MLPH: variants seen among roughly 807,000 people sequenced by gnomAD.
The protein encoded by MLPH is exophilin-3.
Under a neutral mutation model 72.1 loss-of-function variants are expected in MLPH, and 51 were observed. That is an observed-to-expected ratio of 0.71 (90% confidence interval 0.56 to 0.89). The LOEUF (loss-of-function observed/expected upper bound fraction) is 0.89. Ranked by LOEUF, MLPH falls within the 40% of genes least tolerant of loss-of-function variation. The pLI, the probability that MLPH is intolerant of heterozygous loss-of-function variation, is 0.00. For synonymous variants in MLPH, 301 were observed against 310.1 expected, an observed-to-expected ratio of 0.97 and a Z score of 0.31; for missense variants, 743 against 759.9, an observed-to-expected ratio of 0.98 and a Z score of 0.26.
chr2:237,542,362 C>T (rs1266783117), intron 11 of MLPH, among the ~76,000 whole-genome samples: 2 of 151,640 alleles, frequency 1.3e-5, no homozygotes, highest in African/African-American at 4.8e-5. Flanking sequence ...ATAAGGAACA[C>T]CCCCCCCTTC....
chr2:237,530,889 G>A (rs1210295126), intron 8 of MLPH, among the ~76,000 whole-genome samples: 1 of 152,228 alleles, frequency 6.6e-6, no homozygotes, highest in East Asian at 1.9e-4. Context: ...ACTCAGAGCA[G>A]ACCCAGTGCT....
intron 5 of MLPH, among the ~76,000 whole-genome samples, chr2:237,518,935 G>A (rs2080113280): frequency 6.6e-6 from 1 of 152,216 alleles, no homozygotes; most frequent in African/African-American, 2.4e-5. Flanking sequence ...CACGGGTGTA[G>A]TGAGTGCAGG....
At position 237,489,647 on chromosome 2, in the gene MLPH, G is replaced by A. The variant is rs144267132; in HGVS notation, c.-25+2210G>A. ...GAATAACACCACACGACACACCTTG[G>A]CTCTGAGTCAGAGAGAGCATTCCTG... On this transcript the variant is annotated intron_variant, in intron 1 of 15. Coordinates refer to ENST00000264605, the MANE Select transcript of MLPH (RefSeq NM_024101.7). Among the ~76,000 whole-genome samples, 557 of 152,262 alleles carry A rather than the reference G, an allele frequency of 3.7e-3. 12 individuals carry two copies. The South Asian group carries it at 0.042, about 11-fold the overall frequency.
chr2:237,547,059 C>T lies in MLPH; in HGVS notation c.1617+376C>T, dbSNP rs2080935568. 2.0e-5 allele frequency among the ~76,000 whole-genome samples: 3 copies of T among 152,244 alleles called. No individual in the cohort carries two copies. In the South Asian group the frequency reaches 6.2e-4, roughly 31 times the overall value. The stretch of plus-strand genomic sequence containing the variant: ...AGATCACACCCCACAGTTAATTCCG[C>T]GTAGGAGCAAGGCCACCCACACCCG... On this transcript the variant is annotated intron_variant, in intron 13 of 15. Transcript: ENST00000264605.
intron 2 of MLPH, among the ~76,000 whole-genome samples, chr2:237,507,640 G>A (rs1242262052): frequency 6.6e-6 from 1 of 152,068 alleles, no homozygotes; most frequent in Admixed American, 6.5e-5. Flanking sequence ...AAAGTCTCCC[G>A]GTGTTGGAAA....
chr2:237,509,595 C>T lies in MLPH; in HGVS notation c.111-979C>T, dbSNP rs61229007. 5.1e-3 allele frequency among the ~76,000 whole-genome samples: 778 copies of T among 152,288 alleles called. 13 individuals are homozygous for T. Among genetic ancestry groups the T allele is most frequent in the African/African-American group, 0.018 (755 of 41,556 alleles). The stretch of plus-strand genomic sequence containing the variant: ...TATCTAAACTGTAGTCTGTGGATGG[C>T]GGTATCCCCCTAGATTCCTACAACT... On this transcript the variant is annotated intron_variant, in intron 2 of 15. Transcript: ENST00000264605.
At chr2:237,551,660 G>A (rs2081042799) in intron 14 of MLPH, among the ~76,000 whole-genome samples, 1 of 152,198 alleles carries the variant, frequency 6.6e-6, no homozygotes, top group Admixed American at 6.5e-5. Context: ...GAGACCCCTT[G>A]GGCTGTTGCC....
intron 6 of MLPH, among the ~76,000 whole-genome samples, chr2:237,523,979 G>A (rs1261937601): frequency 1.3e-5 from 2 of 152,124 alleles, no homozygotes; most frequent in Non-Finnish European, 2.9e-5. Flanking sequence ...GATTATTAGT[G>A]TCAGGTGGGT....
chr2:237,554,062 T>C lies in MLPH; in HGVS notation c.*470T>C. The C allele has an allele frequency of 3.3e-6, 1 of 304,196 alleles. No homozygotes were observed. Among genetic ancestry groups the C allele is most frequent in the South Asian group, 3.2e-5 (1 of 31,034 alleles). 18.8% of individuals were successfully genotyped at this position (304,196 alleles called of 1,614,324 possible). ...GATGTTTGCGTATTTCTTGTGGGTGTGACTGGATATTAGACATCCGGACAA... is the reference window on the plus strand; with the variant it reads ...GATGTTTGCGTATTTCTTGTGGGTGCGACTGGATATTAGACATCCGGACAA... On this transcript the variant is annotated 3_prime_UTR_variant, in exon 16 of 16. Transcript: ENST00000264605.
chr2:237,515,924 C>T (rs2080007993), intron 4 of MLPH, among the ~76,000 whole-genome samples: 1 of 152,208 alleles, frequency 6.6e-6, no homozygotes, highest in South Asian at 2.1e-4. Context: ...GAGGAGCAGG[C>T]AAGGCAGAGG....
chr2:237,536,182 A>G (rs1039661096), intron 9 of MLPH, among the ~76,000 whole-genome samples: 1 of 152,152 alleles, frequency 6.6e-6, no homozygotes, highest in Non-Finnish European at 1.5e-5. Flanking sequence ...TGGGAAGCAG[A>G]GCACACAGGC....
chr2:237,510,335 A>G lies in MLPH; in HGVS notation c.111-239A>G. 1 of 589,702 alleles carries G rather than the reference A, an allele frequency of 1.7e-6. No individual in the cohort carries two copies. Among genetic ancestry groups the G allele is most frequent in the Non-Finnish European group, 3.1e-6 (1 of 327,024 alleles). The allele number at this position is 589,702 out of a possible 1,614,324, so 36.5% of individuals were successfully genotyped here. On this transcript the variant is annotated intron_variant, in intron 2 of 15. Coordinates refer to ENST00000264605, the MANE Select transcript of MLPH (RefSeq NM_024101.7). The surrounding 1 kb of genome is among the most constrained non-coding windows in gnomAD (Gnocchi z 4.4). ...TTAAATGCAATATCATTTCTATGAAATTAACGTGTTTCCATTCCATTCCAG... is the reference window on the plus strand; with the variant it reads ...TTAAATGCAATATCATTTCTATGAAGTTAACGTGTTTCCATTCCATTCCAG...
At chr2:237,550,053 A>G (rs559610002) in intron 14 of MLPH, among the ~76,000 whole-genome samples, 1 of 151,896 alleles carries the variant, frequency 6.6e-6, no homozygotes, top group East Asian at 1.9e-4. Context: ...CCCCTACTAC[A>G]CCCGCCCAAG....
chr2:237,544,411 G>A (rs575198095), intron 12 of MLPH, among the ~76,000 whole-genome samples: 3 of 45,914 alleles, frequency 6.5e-5, no homozygotes, highest in African/African-American at 2.2e-4. Context: ...GGGGACAGTG[G>A]TGAGTCGGGG....
chr2:237,545,321 C>A, intron 12 of MLPH: 1 of 636,294 alleles, frequency 1.6e-6, no homozygotes, highest in Non-Finnish European at 2.3e-6. Context: ...CCACCGTGGG[C>A]CTGACAGCAG....
At chr2:237,530,298 A>G (rs942205298) in intron 8 of MLPH, among the ~76,000 whole-genome samples, 6 of 152,212 alleles carry the variant, frequency 3.9e-5, no homozygotes, top group Admixed American at 2.0e-4. Context: ...CACAGGGCCA[A>G]ACCTTCGCGT....
At chr2:237,526,814 A>G (rs2080314860) in intron 7 of MLPH, among the ~76,000 whole-genome samples, 1 of 152,174 alleles carries the variant, frequency 6.6e-6, no homozygotes, top group Admixed American at 6.5e-5. Context: ...CTTGAGACTC[A>G]CTGGCAGCAC....
chr2:237,548,658 G>A (rs1001601365), intron 13 of MLPH, among the ~76,000 whole-genome samples: 9 of 152,162 alleles, frequency 5.9e-5, no homozygotes, highest in Non-Finnish European at 8.8e-5. Context: ...CACAAGATCA[G>A]GAGATCGAGA....
intron 11 of MLPH, 87 bp from the exon 12 acceptor site, chr2:237,542,479 TG>T: frequency 9.4e-7 from 1 of 1,068,600 alleles, no homozygotes; most frequent in Non-Finnish European, 1.4e-6. Flanking sequence ...AGGACTGAGC[TG>T]GGGGCAGCTG....
Sources: gnomAD v4.1 joint callset for allele counts (sites outside exome capture counted in the v4.1 genomes callset) on GRCh38, gnomAD v4.1.1 for gene constraint, Gnocchi (gnomAD v3.1) non-coding constraint, MANE v1.5 for transcripts, NCBI Gene and HGNC (gene_info 2026-07-23, HGNC 2026-07-21) for gene names.